GPAM: variants seen among roughly 807,000 people sequenced by gnomAD.
The protein encoded by GPAM is glycerol-3-phosphate acyltransferase 1, mitochondrial.
A neutral mutation model predicts 105.0 loss-of-function variants in GPAM; 56 were observed. That is an observed-to-expected ratio of 0.53 (90% CI 0.43 to 0.67). GPAM has a LOEUF of 0.67. Among genes scored for constraint, GPAM ranks in the 30% least tolerant of loss-of-function variants. The pLI, the probability that GPAM is intolerant of heterozygous loss-of-function variation, is 0.00. For missense variants in GPAM, 855 were observed against 989.8 expected (o/e 0.86, Z 1.83); for synonymous variants, 368 against 354.4 (o/e 1.04, Z -0.43).
At chr10:112,172,667 G>T (rs1006477266) in intron 8 of GPAM, among the ~76,000 whole-genome samples, 1 of 152,142 alleles carries the variant, frequency 6.6e-6, no homozygotes, top group Non-Finnish European at 1.5e-5. Context: ...TCTGCCACTT[G>T]AGACAACCTA....
intron 12 of GPAM, among the ~76,000 whole-genome samples, chr10:112,165,984 C>T (rs1375005627): frequency 6.6e-6 from 1 of 152,062 alleles, no homozygotes; most frequent in East Asian, 1.9e-4. Flanking sequence ...TAACCATCAC[C>T]TCAAACACTT....
At chr10:112,213,009 G>C (rs1001849931) in intron 1 of GPAM, among the ~76,000 whole-genome samples, 2 of 152,230 alleles carry the variant, frequency 1.3e-5, no homozygotes, top group African/African-American at 4.8e-5. Flanking sequence ...AGGGAGAACA[G>C]AGCAGATCTC....
upstream of GPAM, among the ~76,000 whole-genome samples, chr10:112,188,312 G>A (rs1001131929): frequency 7.2e-5 from 11 of 152,108 alleles, no homozygotes; most frequent in Non-Finnish European, 1.2e-4. Flanking sequence ...AAAAAGAGGA[G>A]GACACACATT....
chr10:112,179,328 A>G (rs1847464533), intron 4 of GPAM, among the ~76,000 whole-genome samples: 1 of 152,190 alleles, frequency 6.6e-6, no homozygotes, highest in South Asian at 2.1e-4. Flanking sequence ...CATTGTAGTT[A>G]TTGTTTTAAG....
Position 112,151,248 on chromosome 10 carries a change from A to G in GPAM, c.*2302T>C. 2 of 985,754 alleles carry G rather than the reference A, an allele frequency of 2.0e-6. No homozygotes were observed. The highest frequency in any genetic ancestry group is 2.4e-6 in the Non-Finnish European group (2 of 829,840). The allele number at this position is 985,754 out of a possible 1,614,324, so 61.1% of individuals were successfully genotyped here. On this transcript the variant is annotated 3_prime_UTR_variant, in exon 22 of 22. Coordinates refer to ENST00000348367, the MANE Select transcript of GPAM (RefSeq NM_001244949.2). ...TGTTTAACCTTATGTGGAAGCCATCACTGTTGGAAAACAATGAGAATGTAT... is the reference window on the plus strand; with the variant it reads ...TGTTTAACCTTATGTGGAAGCCATCGCTGTTGGAAAACAATGAGAATGTAT...
chr10:112,150,808 T>C lies in GPAM; in HGVS notation c.*2742A>G. The C allele has an allele frequency of 1.0e-6, 1 of 984,146 alleles. No individual in the cohort carries two copies. Among genetic ancestry groups the C allele is most frequent in the Non-Finnish European group, 1.2e-6 (1 of 828,750 alleles). The allele number at this position is 984,146 out of a possible 1,614,324, so 61.0% of individuals were successfully genotyped here. On this transcript the variant is annotated 3_prime_UTR_variant, in exon 22 of 22. Coordinates refer to ENST00000348367, the MANE Select transcript of GPAM (RefSeq NM_001244949.2). ...ATGAACATCTCACAGAGCACTCATATTACATGGAGTGCTATGGGAAATGCT... is the reference window on the plus strand; with the variant it reads ...ATGAACATCTCACAGAGCACTCATACTACATGGAGTGCTATGGGAAATGCT...
chr10:112,160,472 T>A, intron 16 of GPAM, 132 bp downstream of exon 16: 1 of 1,238,410 alleles, frequency 8.1e-7, no homozygotes, highest in Non-Finnish European at 1.1e-6. Flanking sequence ...CATTTTCGTT[T>A]GAAAACTAAA....
rs1161747081 is a variant in GPAM, at chr10:112,197,513, T to C, written n.211-14622A>G. Reference sequence around the variant, plus strand: ...ATTTATTTTTTTATTATACTTTAAGTTTTAGGGTACATGTGCACATTGTGC... The same window carrying C: ...ATTTATTTTTTTATTATACTTTAAGCTTTAGGGTACATGTGCACATTGTGC... On this transcript the variant is annotated intron_variant and non_coding_transcript_variant, in intron 1 of 3. Coordinates refer to the GPAM transcript ENST00000480130. 4.0e-5 allele frequency among the ~76,000 whole-genome samples: 6 copies of C among 150,668 alleles called. No homozygotes were observed. The Admixed American group carries it at 4.0e-4, about 10-fold the overall frequency.
At chr10:112,178,790 G>A (rs892581092) in intron 4 of GPAM, among the ~76,000 whole-genome samples, 3 of 152,150 alleles carry the variant, frequency 2.0e-5, no homozygotes, top group African/African-American at 7.2e-5. Context: ...TTTTCTAGGT[G>A]AGAAACTAAG....
At chr10:112,224,496 G>A in the GPAM span, among the ~76,000 whole-genome samples, 4 of 152,296 alleles carry the variant, frequency 2.6e-5, no homozygotes, top group East Asian at 3.9e-4. Context: ...CAAGACACAG[G>A]TGCTGAGAGA....
intron 1 of GPAM, among the ~76,000 whole-genome samples, chr10:112,206,737 T>C (rs1847854885): frequency 6.6e-6 from 1 of 150,734 alleles, no homozygotes; most frequent in Non-Finnish European, 1.5e-5. Context: ...CGTTAGTGTG[T>C]GCAGTGCACC....
rs902961855 is a variant in GPAM at position 112,150,231 on chromosome 10, G to A, written c.*3319C>T. 3.2e-5 allele frequency: 31 copies of A among 983,058 alleles called. No individual in the cohort carries two copies. Among genetic ancestry groups the A allele is most frequent in the Middle Eastern group, 5.2e-4 (1 of 1,934 alleles). 60.9% of individuals were successfully genotyped at this position (983,058 alleles called of 1,614,324 possible). Reference sequence around the variant, plus strand: ...CATAGTAAGTCTTAGAAACCTCAACGATAGGTCCTGTCATGTCTAAACACT... The same window carrying A: ...CATAGTAAGTCTTAGAAACCTCAACAATAGGTCCTGTCATGTCTAAACACT... On this transcript the variant is annotated 3_prime_UTR_variant, in exon 22 of 22. Transcript: ENST00000348367.
chr10:112,178,596 C>T (rs1489625275), intron 4 of GPAM, among the ~76,000 whole-genome samples: 1 of 151,536 alleles, frequency 6.6e-6, no homozygotes, highest in Non-Finnish European at 1.5e-5. Flanking sequence ...AACAAACCAC[C>T]TTAAAACCAA....
At chr10:112,204,254 CTTT>C (rs59433956) in intron 1 of GPAM, among the ~76,000 whole-genome samples, 19 of 132,486 alleles carry the variant, frequency 1.4e-4, no homozygotes, top group East Asian at 2.2e-4. Context: ...TTTCTTTGTT[CTTT>C]TTTTTTTTTT....
rs899081419 is a variant in GPAM at position 112,151,468 on chromosome 10, C to T, written c.*2082G>A. ...AGATTTTCAAAGCACCAGTTAATTA[C>T]AAAAAGCATGCATATTTATCCTCAC... is the stretch of plus-strand genomic sequence containing the variant. On this transcript the variant is annotated 3_prime_UTR_variant, in exon 22 of 22. Transcript: ENST00000348367. 3.3e-5 allele frequency: 33 copies of T among 985,630 alleles called. No individual in the cohort carries two copies. Among genetic ancestry groups the T allele is most frequent in the South Asian group, 9.4e-5 (2 of 21,294 alleles). 61.1% of individuals were successfully genotyped at this position (985,630 alleles called of 1,614,324 possible).
upstream of GPAM, among the ~76,000 whole-genome samples, chr10:112,184,733 G>C (rs984700796): frequency 6.6e-6 from 1 of 152,196 alleles, no homozygotes; most frequent in African/African-American, 2.4e-5. Flanking sequence ...GAGCTAGGCA[G>C]ACTCCCTGAG....
At position 112,162,929 on chromosome 10, in the gene GPAM, T is replaced by C. The variant is rs528073231; in HGVS notation, c.1423+772A>G. Among the ~76,000 whole-genome samples the C allele has an allele frequency of 1.3e-4, 20 of 152,128 alleles. 1 individual carries two copies. The South Asian group carries it at 3.1e-3, about 24-fold the overall frequency. On this transcript the variant is annotated intron_variant, in intron 14 of 21. Transcript: ENST00000348367. The stretch of plus-strand genomic sequence containing the variant: ...CCTCTGACCCAAAGTCAAGCAGGAA[T>C]AGGGGCCTCCAGAATGGGAGGAGCA...
intron 14 of GPAM, among the ~76,000 whole-genome samples, chr10:112,163,387 A>G (rs1054497953): frequency 2.6e-5 from 4 of 152,248 alleles, no homozygotes; most frequent in African/African-American, 4.8e-5. Flanking sequence ...TTGTACCACA[A>G]ATTAGTTCAA....
intron 19 of GPAM, 135 bp from the exon 20 acceptor site, chr10:112,156,188 C>A: frequency 1.4e-6 from 1 of 693,040 alleles, no homozygotes; most frequent in Admixed American, 2.1e-5. Context: ...TGAAAGCGGC[C>A]CCCTGCCCCT....
Sources: gnomAD v4.1 joint callset for allele counts (sites outside exome capture counted in the v4.1 genomes callset) on GRCh38, gnomAD v4.1.1 for gene constraint, MANE v1.5 for transcripts, NCBI Gene and HGNC (gene_info 2026-07-23, HGNC 2026-07-21) for gene names.